The following OIP5 variants were observed in gnomAD, a reference collection of about 807,000 sequenced individuals.
OIP5 encodes the protein Opa interacting protein 5.
OIP5 carries 24 observed loss-of-function variants against 20.3 expected under a neutral mutation model. The ratio of observed to expected loss-of-function variants is 1.18; its 90% CI spans 0.86 to 1.66. The LOEUF (loss-of-function observed/expected upper bound fraction) is 1.66. OIP5 is among the 40% of genes most tolerant of loss of function. OIP5 has a pLI of 0.00. For synonymous variants in OIP5, 143 were observed against 121.3 expected (o/e 1.18, Z -1.17); for missense variants, 339 against 289.5 (o/e 1.17, Z -1.24).
chr15:41,332,412 G>A lies in OIP5; in HGVS notation c.150C>T (p.Leu50=), dbSNP rs1378888777. 2 of 1,613,934 alleles carry A rather than the reference G, an allele frequency of 1.2e-6. No homozygotes were observed. The highest frequency in any genetic ancestry group is 4.5e-5 in the East Asian group (2 of 44,874). The part of the protein sequence containing the change: ...DTQVVKGSSP[L]GPAGLGAEEP... ...CCTCAGCCCCCAGCCCTGCGGGGCC[G>A]AGCGGCGAGGACCCCTTCACCACCT... The change falls in exon 1 of 5, where the codon CTC becomes CTT. Residue 50 remains leucine, a synonymous_variant. Transcript: ENST00000220514.
In OIP5 at chr15:41,332,303, G is replaced by C; in HGVS notation, c.259C>G (p.Leu87Val). ...VFQCAQCHAV[L>V]ADSVHLAWDL... Reference sequence around the variant, plus strand: ...CAGGCGAGGTGCACCGAGTCGGCGAGCACTGCGTGACACTGTGCGCACTGG... The same window carrying C: ...CAGGCGAGGTGCACCGAGTCGGCGACCACTGCGTGACACTGTGCGCACTGG... The change falls in exon 1 of 5, where the codon CTC (leucine) becomes GTC (valine). Residue 87 changes from leucine (L) to valine (V), a missense_variant. By Grantham distance (32) the Leu-to-Val change is conservative. Transcript: ENST00000220514. The C allele has an allele frequency of 6.3e-7, 1 of 1,590,686 alleles. No individual in the cohort carries two copies. The highest frequency in any genetic ancestry group is 1.3e-5 in the African/African-American group (1 of 74,296).
intron 4 of OIP5, among the ~76,000 whole-genome samples, chr15:41,311,955 A>C (rs538010997): frequency 1.4e-5 from 2 of 142,620 alleles, no homozygotes; most frequent in East Asian, 3.9e-4. Flanking sequence ...CCCAGGTTCA[A>C]GCGATTCTCC....
chr15:41,318,573 G>T (rs2047803008), intron 3 of OIP5, among the ~76,000 whole-genome samples: 1 of 152,094 alleles, frequency 6.6e-6, no homozygotes, highest in Non-Finnish European at 1.5e-5. Flanking sequence ...TAGAATTACA[G>T]GCACACACCA....
intron 2 of OIP5, among the ~76,000 whole-genome samples, chr15:41,322,604 G>T (rs1483520780): frequency 1.3e-5 from 2 of 151,900 alleles, no homozygotes; most frequent in Non-Finnish European, 2.9e-5. Context: ...TTGTTTCCCA[G>T]GCTAGGAGAA....
At chr15:41,311,612 G>T (rs1356339264) in intron 4 of OIP5, among the ~76,000 whole-genome samples, 1 of 152,120 alleles carries the variant, frequency 6.6e-6, no homozygotes, top group East Asian at 1.9e-4. Context: ...CTGTCACCCA[G>T]GCTAGAATGC....
In OIP5 at chr15:41,332,474, G is replaced by A; in HGVS notation, c.88C>T (p.Gln30Ter). 2 of 1,614,076 alleles carry A rather than the reference G, an allele frequency of 1.2e-6. No homozygotes were observed. The highest frequency in any genetic ancestry group is 1.1e-5 in the South Asian group (1 of 91,090). ...TCCATGGAGGTCGTAAAAGAAGCTT[G>A]GTCAATCGCCCTCTCAGTGCCACCA... ...FCGGTERAIDQASFTTSMEWD... is the reference protein window; with the variant it reads ...FCGGTERAID The change falls in exon 1 of 5, where the codon CAA becomes TAA. Residue 30 changes from glutamine to a stop codon, truncating the protein, a stop_gained. Transcript: ENST00000220514. LOFTEE classifies it high-confidence loss of function.
At chr15:41,323,775 TG>T (rs2140464424) in intron 2 of OIP5, among the ~76,000 whole-genome samples, 2 of 152,204 alleles carry the variant, frequency 1.3e-5, no homozygotes, top group South Asian at 4.2e-4. Context: ...CCAGCTCCTT[TG>T]AAGCCAGGTA....
At chr15:41,311,338 G>C (rs900140858) in intron 4 of OIP5, among the ~76,000 whole-genome samples, 1 of 152,050 alleles carries the variant, frequency 6.6e-6, no homozygotes. Flanking sequence ...GCTTGAACCC[G>C]GGAGGAGGGG....
Position 41,313,257 on chromosome 15 carries a change from C to A in OIP5, c.594+16G>T. 1 of 1,488,754 alleles carries A rather than the reference C, an allele frequency of 6.7e-7. No individual in the cohort carries two copies. Among genetic ancestry groups the A allele is most frequent in the South Asian group, 1.1e-5 (1 of 87,654 alleles). The allele number at this position is 1,488,754 out of a possible 1,614,324, so 92.2% of individuals were successfully genotyped here. On this transcript the variant is annotated intron_variant, in intron 4 of 4. Coordinates refer to ENST00000220514, the MANE Select transcript of OIP5 (RefSeq NM_007280.2). ...TCTGTATTTTAAAAAAGCATACAACCATCATGAAATTTTACCTCTGCAATC... is the reference window on the plus strand; with the variant it reads ...TCTGTATTTTAAAAAAGCATACAACAATCATGAAATTTTACCTCTGCAATC...
chr15:41,327,533 T>C (rs573066613), intron 2 of OIP5, among the ~76,000 whole-genome samples: 24 of 148,566 alleles, frequency 1.6e-4, no homozygotes, highest in Non-Finnish European at 3.0e-4. Context: ...CTCACGCCTG[T>C]AATCCCAACA....
At chr15:41,319,981 C>T (rs1179953140) in intron 2 of OIP5, among the ~76,000 whole-genome samples, 2 of 152,086 alleles carry the variant, frequency 1.3e-5, no homozygotes, top group East Asian at 1.9e-4. Context: ...CGGATACCCT[C>T]GTATATTCTG....
intron 2 of OIP5, among the ~76,000 whole-genome samples, chr15:41,330,466 G>A (rs949858291): frequency 1.6e-4 from 24 of 146,182 alleles, no homozygotes; most frequent in Non-Finnish European, 2.5e-4. Flanking sequence ...ATGCAGTGGC[G>A]CAATCTCGGT....
At chr15:41,313,662 T>C (rs749775167) in intron 3 of OIP5, among the ~76,000 whole-genome samples, 3 of 152,202 alleles carry the variant, frequency 2.0e-5, no homozygotes, top group Non-Finnish European at 4.4e-5. Context: ...CTATGTAAAT[T>C]TGTAATGTAC....
At chr15:41,324,473 C>T (rs969753453) in intron 2 of OIP5, among the ~76,000 whole-genome samples, 1 of 152,120 alleles carries the variant, frequency 6.6e-6, no homozygotes, top group Admixed American at 6.6e-5. Context: ...TGGAATAGCA[C>T]TTTTAATTTC....
At chr15:41,325,170 C>T (rs1029259515) in intron 2 of OIP5, among the ~76,000 whole-genome samples, 19 of 151,862 alleles carry the variant, frequency 1.3e-4, no homozygotes, top group Middle Eastern at 3.2e-3. Flanking sequence ...TCTGGGAGGC[C>T]GAGGGAGGCA....
In OIP5 at chr15:41,331,890, G is replaced by GA. The variant is rs567730684; in HGVS notation, c.389+24dup. On this transcript the variant is annotated intron_variant, in intron 2 of 4. Transcript: ENST00000220514. ...CAGTCTCATAAAGTCAGGGACTAGA[G>GA]ACCAATGTAATTATCAATACGTACC... The GA allele has an allele frequency of 4.6e-3, 7,335 of 1,597,418 alleles. 51 individuals are homozygous for GA. Among genetic ancestry groups the GA allele is most frequent in the Middle Eastern group, 0.012 (72 of 6,034 alleles).
At chr15:41,326,828 T>C (rs918060383) in intron 2 of OIP5, among the ~76,000 whole-genome samples, 2 of 152,182 alleles carry the variant, frequency 1.3e-5, no homozygotes, top group Non-Finnish European at 2.9e-5. Context: ...TAGCATCACC[T>C]AGCTTGCTGG....
intron 2 of OIP5, among the ~76,000 whole-genome samples, chr15:41,330,770 G>A (rs1490060374): frequency 2.0e-5 from 3 of 152,090 alleles, no homozygotes; most frequent in Non-Finnish European, 4.4e-5. Context: ...TGTATTCTGT[G>A]TTCACAGCAT....
chr15:41,315,969 T>C (rs1466592075), intron 3 of OIP5, among the ~76,000 whole-genome samples: 2 of 151,830 alleles, frequency 1.3e-5, no homozygotes, highest in Non-Finnish European at 2.9e-5. Flanking sequence ...CTACTAAAAA[T>C]ACAAAAAAAT....
Sources: gnomAD v4.1 joint callset for allele counts (sites outside exome capture counted in the v4.1 genomes callset) on GRCh38, gnomAD v4.1.1 for gene constraint, MANE v1.5 for transcripts, NCBI Gene and HGNC (gene_info 2026-07-23, HGNC 2026-07-21) for gene names.